Variants in TULP3 observed in about 807,000 individuals in gnomAD.
TULP3 encodes TUB like protein 3.
A neutral mutation model predicts 50.7 loss-of-function variants in TULP3; 38 were observed. The ratio of observed to expected loss-of-function variants is 0.75; its 90% CI spans 0.58 to 0.98. The LOEUF (loss-of-function observed/expected upper bound fraction) is 0.98, where lower values mean the gene tolerates loss of function less well. Among genes scored for constraint, TULP3 ranks in the 50% least tolerant of loss-of-function variants. The pLI, the probability that TULP3 is intolerant of heterozygous loss-of-function variation, is 0.00. For synonymous variants in TULP3, 183 were observed against 196.6 expected (o/e 0.93, Z 0.58); for missense variants, 550 against 568.0 (o/e 0.97, Z 0.32).
chr12:2,894,287 CG>C (rs879537931), intron 1 of TULP3, among the ~76,000 whole-genome samples: 2 of 4,118 alleles, frequency 4.9e-4, no homozygotes, highest in Non-Finnish European at 2.8e-3. Context: ...GCCGAGATGG[CG>C]GGGGGGCGGG....
intron 2 of TULP3, among the ~76,000 whole-genome samples, chr12:2,918,997 AT>A (rs2098190256): frequency 6.6e-6 from 1 of 151,276 alleles, no homozygotes; most frequent in Non-Finnish European, 1.5e-5. Context: ...GGTTCAAGTG[AT>A]TCTCCTGCCT....
chr12:2,894,470 G>C (rs2098174224), intron 1 of TULP3, among the ~76,000 whole-genome samples: 1 of 152,022 alleles, frequency 6.6e-6, no homozygotes, highest in East Asian at 1.9e-4. Context: ...GGGAGGTGGA[G>C]GTTGCAGTGA....
chr12:2,932,932 A>C (rs2098198955), intron 6 of TULP3, among the ~76,000 whole-genome samples: 1 of 151,278 alleles, frequency 6.6e-6, no homozygotes, highest in East Asian at 1.9e-4. Context: ...ATAGTGAATT[A>C]TTTTATTTTT....
rs2098204449 is a variant in TULP3 at position 2,940,889 on chromosome 12, C to A, written c.*1445C>A. 1.6e-6 allele frequency: 1 copy of A among 643,510 alleles called. No individual in the cohort carries two copies. The highest frequency in any genetic ancestry group is 2.6e-6 in the Non-Finnish European group (1 of 381,280). The allele number at this position is 643,510 out of a possible 1,614,324, so 39.9% of individuals were successfully genotyped here. ...CTCACACCTCGTCACCACCACCACC[C>A]CCCACCCCATCCTGAGGCACTGCCT... On this transcript the variant is annotated 3_prime_UTR_variant, in exon 11 of 11. Transcript: ENST00000448120.
At chr12:2,900,044 G>A (rs1050525471) in intron 1 of TULP3, among the ~76,000 whole-genome samples, 9 of 149,598 alleles carry the variant, frequency 6.0e-5, no homozygotes, top group Admixed American at 1.3e-4. Flanking sequence ...TTGGAACCCC[G>A]TCTCTACTAA....
intron 1 of TULP3, among the ~76,000 whole-genome samples, chr12:2,895,174 A>AT (rs1488135768): frequency 6.6e-6 from 1 of 152,206 alleles, no homozygotes; most frequent in Non-Finnish European, 1.5e-5. Flanking sequence ...TTACTCTAAA[A>AT]TAGTTTTCCC....
intron 1 of TULP3, among the ~76,000 whole-genome samples, chr12:2,901,874 T>C (rs938932089): frequency 1.3e-5 from 2 of 152,236 alleles, no homozygotes; most frequent in African/African-American, 4.8e-5. Context: ...TTTTTAAGTA[T>C]GTGAATTTAA....
chr12:2,925,146 C>T (rs1485354483), intron 4 of TULP3, among the ~76,000 whole-genome samples: 6 of 151,102 alleles, frequency 4.0e-5, no homozygotes, highest in Non-Finnish European at 8.8e-5. Context: ...CCAGCCTGGG[C>T]GACGGAGCAA....
At position 2,896,219 on chromosome 12, in the gene TULP3, C is replaced by T. The variant is rs143506561; in HGVS notation, c.41+5231C>T. ...CCTCCCAAAGTGCTGGGATTACAGG[C>T]GTGAGCCACTGTGCCTGGCTGACAA... On this transcript the variant is annotated intron_variant, in intron 1 of 10. Coordinates refer to ENST00000448120, the MANE Select transcript of TULP3 (RefSeq NM_003324.5). 5.8e-3 allele frequency among the ~76,000 whole-genome samples: 889 copies of T among 152,294 alleles called. 11 individuals are homozygous for T. Among genetic ancestry groups the T allele is most frequent in the African/African-American group, 0.02 (820 of 41,554 alleles).
At chr12:2,900,171 C>T (rs556493998) in intron 1 of TULP3, among the ~76,000 whole-genome samples, 33 of 151,906 alleles carry the variant, frequency 2.2e-4, no homozygotes, top group Non-Finnish European at 4.6e-4. Context: ...TGTAGTGAGC[C>T]GAGATCGCGC....
chr12:2,938,396 A>G, intron 10 of TULP3, 111 bp downstream of exon 10: 5 of 1,218,354 alleles, frequency 4.1e-6, no homozygotes, highest in Non-Finnish European at 5.7e-6. Context: ...ATAATCATGG[A>G]GGAGAGACAG....
At chr12:2,930,094 T>C (rs1342554690) in intron 4 of TULP3, among the ~76,000 whole-genome samples, 154 bp from the exon 5 acceptor site, 1 of 152,238 alleles carries the variant, frequency 6.6e-6, no homozygotes, top group African/African-American at 2.4e-5. Context: ...TCTGTCTCTA[T>C]GAATTTGCCT....
At chr12:2,897,946 C>T (rs7304111) in intron 1 of TULP3, among the ~76,000 whole-genome samples, 66,639 of 151,016 alleles carry the variant, frequency 0.44, 17,755 homozygotes, top group Non-Finnish European at 0.58. Context: ...GGTGTGGTGG[C>T]GCATGCCTGT....
chr12:2,930,481 T>G, intron 5 of TULP3, 136 bp downstream of exon 5: 1 of 571,522 alleles, frequency 1.7e-6, no homozygotes, highest in Non-Finnish European at 2.9e-6. Context: ...TGGAGTGCAG[T>G]GGCATGATCT....
chr12:2,893,364 C>G (rs1334283823), intron 1 of TULP3, among the ~76,000 whole-genome samples: 2 of 143,058 alleles, frequency 1.4e-5, no homozygotes, highest in African/African-American at 2.6e-5. Flanking sequence ...GTTTCGCTCT[C>G]GTCGCCCAGG....
At chr12:2,902,543 T>A (rs1039079827) in intron 1 of TULP3, among the ~76,000 whole-genome samples, 3 of 152,194 alleles carry the variant, frequency 2.0e-5, no homozygotes, top group Non-Finnish European at 4.4e-5. Flanking sequence ...CTTGATTGTT[T>A]AGTGGCAATA....
intron 1 of TULP3, among the ~76,000 whole-genome samples, chr12:2,893,143 C>T (rs1405629397): frequency 6.6e-6 from 1 of 150,972 alleles, no homozygotes; most frequent in Non-Finnish European, 1.5e-5. Context: ...GATTACAGGC[C>T]TGAGCCACTG....
At chr12:2,922,181 C>T in intron 3 of TULP3, 81 bp from the exon 4 acceptor site, 1 of 1,501,816 alleles carries the variant, frequency 6.7e-7, no homozygotes, top group Non-Finnish European at 9.0e-7. Context: ...GTTCTTAATT[C>T]TGATCACATA....
chr12:2,917,905 T>C (rs1388428140), intron 2 of TULP3, among the ~76,000 whole-genome samples: 4 of 150,944 alleles, frequency 2.6e-5, no homozygotes, highest in Admixed American at 1.3e-4. Flanking sequence ...TTTCCTTGCA[T>C]GTGAACCCCA....
Sources: allele counts gnomAD v4.1 joint callset (sites outside exome capture counted in the v4.1 genomes callset), GRCh38; gene constraint gnomAD v4.1.1; transcripts MANE v1.5; gene names NCBI Gene and HGNC (gene_info 2026-07-23, HGNC 2026-07-21).